Variants in BCAR3 observed in about 807,000 individuals in gnomAD.
BCAR3 encodes BCAR3 adaptor protein, NSP family member.
Under a neutral mutation model 80.1 loss-of-function variants are expected in BCAR3, and 37 were observed. That is an observed-to-expected ratio of 0.46 (90% CI 0.36 to 0.61). The LOEUF (loss-of-function observed/expected upper bound fraction) is 0.61. BCAR3 is among the 20% of genes least tolerant of loss of function. The pLI is 0.00. For synonymous variants in BCAR3, 389 were observed against 418.9 expected (o/e 0.93, Z 0.87); for missense variants, 978 against 1,068.2 (o/e 0.92, Z 1.18).
At chr1:93,565,591 C>A (rs1672910652) in intron 11 of BCAR3, among the ~76,000 whole-genome samples, 1 of 152,228 alleles carries the variant, frequency 6.6e-6, no homozygotes, top group South Asian at 2.1e-4. Context: ...TCAAAACCCA[C>A]CCTGATGTAT....
chr1:93,635,106 T>A lies in BCAR3; in HGVS notation c.357+7198A>T, dbSNP rs551511040. Among the ~76,000 whole-genome samples, 4 of 151,762 alleles carry A rather than the reference T, an allele frequency of 2.6e-5. No homozygotes were observed. The East Asian group carries it at 7.7e-4, about 29-fold the overall frequency. On this transcript the variant is annotated intron_variant, in intron 3 of 11. Transcript: ENST00000260502. ...TGGGTGTGGTAGTGAGTGCCTGGAG[T>A]CCTAGCTACTCAGTGAGGTGGGAGG...
intron 3 of BCAR3, among the ~76,000 whole-genome samples, chr1:93,616,447 G>A (rs371984088): frequency 1.6e-4 from 25 of 152,154 alleles, no homozygotes; most frequent in East Asian, 1.5e-3. Context: ...GCCTATTTAC[G>A]CTGATCAATT....
intron 2 of BCAR3, among the ~76,000 whole-genome samples, chr1:93,815,716 A>T (rs1653994321): frequency 6.6e-6 from 1 of 152,214 alleles, no homozygotes; most frequent in African/African-American, 2.4e-5. Context: ...AAACATGGGA[A>T]AGGGCCATGT....
chr1:93,658,342 T>C (rs773177692), intron 2 of BCAR3, among the ~76,000 whole-genome samples: 1 of 152,068 alleles, frequency 6.6e-6, no homozygotes, highest in Non-Finnish European at 1.5e-5. Flanking sequence ...AGAACAAAAC[T>C]GGTTGTAATG....
intron 3 of BCAR3, among the ~76,000 whole-genome samples, chr1:93,600,173 G>A (rs1426336334): frequency 2.6e-5 from 4 of 152,180 alleles, no homozygotes; most frequent in Non-Finnish European, 5.9e-5. Context: ...GCCAGGGTTC[G>A]GGCCTGGTCC....
intron 3 of BCAR3, among the ~76,000 whole-genome samples, chr1:93,631,997 A>C (rs1675634808): frequency 6.6e-6 from 1 of 152,200 alleles, no homozygotes; most frequent in Non-Finnish European, 1.5e-5. Context: ...TCAGGGTTCA[A>C]GTACCCATGC....
intron 2 of BCAR3, among the ~76,000 whole-genome samples, chr1:93,778,129 A>G (rs901421847): frequency 4.6e-5 from 7 of 152,058 alleles, no homozygotes; most frequent in African/African-American, 1.7e-4. Flanking sequence ...ATCATATGCA[A>G]TTCCTCCTCT....
intron 2 of BCAR3, among the ~76,000 whole-genome samples, chr1:93,709,967 G>A (rs533455472): frequency 9.9e-5 from 15 of 152,168 alleles, no homozygotes; most frequent in South Asian, 8.3e-4. Context: ...GGGCCTGTTC[G>A]ATGCTGTGTT....
chr1:93,790,855 C>T (rs1268753523), intron 2 of BCAR3, among the ~76,000 whole-genome samples: 1 of 81,906 alleles, frequency 1.2e-5, no homozygotes, highest in African/African-American at 6.3e-5. Flanking sequence ...TTCCTGTGTC[C>T]ATGTGATCTC....
At chr1:93,775,121 T>G (rs1052281996) in intron 2 of BCAR3, 4 of 152,246 alleles carry the variant, frequency 2.6e-5, no homozygotes, top group Admixed American at 2.6e-4. Context: ...AAGCAATTGC[T>G]GCGTCCAGGT....
At chr1:93,766,018 TA>T (rs1652134329) in intron 2 of BCAR3, among the ~76,000 whole-genome samples, 1 of 152,146 alleles carries the variant, frequency 6.6e-6, no homozygotes. Context: ...CTATGGTGTA[TA>T]GTAGATCTCC....
chr1:93,781,858 A>T (rs1238081193), intron 2 of BCAR3, among the ~76,000 whole-genome samples: 3 of 152,204 alleles, frequency 2.0e-5, no homozygotes, highest in Non-Finnish European at 4.4e-5. Flanking sequence ...AACTGTTCAG[A>T]TTAGGCACCT....
chr1:93,704,402 C>T (rs903202661), intron 3 of BCAR3, among the ~76,000 whole-genome samples: 2 of 152,160 alleles, frequency 1.3e-5, no homozygotes, highest in Non-Finnish European at 2.9e-5. Flanking sequence ...CTGTTGGGTG[C>T]TCATTACATG....
chr1:93,724,246 AGC>A (rs1650503691), intron 2 of BCAR3, among the ~76,000 whole-genome samples: 1 of 152,152 alleles, frequency 6.6e-6, no homozygotes, highest in African/African-American at 2.4e-5. Flanking sequence ...GTCCATGTCC[AGC>A]CTCTCAGGTG....
chr1:93,835,044 G>A (rs1462200481), intron 2 of BCAR3, among the ~76,000 whole-genome samples: 1 of 26,624 alleles, frequency 3.8e-5, no homozygotes, highest in Non-Finnish European at 5.9e-5. Flanking sequence ...CACATCTATC[G>A]AGGCTACTGC....
At chr1:93,659,804 C>T (rs1647564904) in intron 2 of BCAR3, among the ~76,000 whole-genome samples, 1 of 152,066 alleles carries the variant, frequency 6.6e-6, no homozygotes, top group Non-Finnish European at 1.5e-5. Context: ...TCATCCCTGG[C>T]TTCTCTGACC....
At chr1:93,804,542 AAC>A (rs775210905) in intron 2 of BCAR3, among the ~76,000 whole-genome samples, 5 of 152,212 alleles carry the variant, frequency 3.3e-5, no homozygotes, top group Non-Finnish European at 7.3e-5. Context: ...TTAAGTGACT[AAC>A]AGACAGGCAG....
chr1:93,666,008 C>G (rs903365073), intron 2 of BCAR3, among the ~76,000 whole-genome samples: 1 of 152,202 alleles, frequency 6.6e-6, no homozygotes, highest in Non-Finnish European at 1.5e-5. Context: ...TCTACCACCA[C>G]GCTAGTGCAG....
chr1:93,582,983 G>T lies in BCAR3; in HGVS notation c.1034-30C>A, dbSNP rs376405583. The T allele has an allele frequency of 2.6e-6, 4 of 1,553,472 alleles. No homozygotes were observed. The East Asian group carries it at 9.0e-5, about 35-fold the overall frequency. On this transcript the variant is annotated intron_variant, in intron 6 of 11. Transcript: ENST00000260502. ...GGGGGATAAGAAAAGGTCAGAGAAA[G>T]CTCATCTGTGTGGAGAATATAAAAC...
Sources: gnomAD v4.1 joint callset for allele counts (sites outside exome capture counted in the v4.1 genomes callset) on GRCh38, gnomAD v4.1.1 for gene constraint, MANE v1.5 for transcripts, NCBI Gene and HGNC (gene_info 2026-07-23, HGNC 2026-07-21) for gene names.